LMO7: variants seen among roughly 807,000 people sequenced by gnomAD.
LMO7 encodes LIM domain 7, also known as LIM domain only protein 7.
Under a neutral mutation model 206.5 loss-of-function variants are expected in LMO7, and 120 were observed. The observed-to-expected ratio is 0.58, with a 90% CI of 0.50 to 0.68. LMO7 has a LOEUF of 0.68. LMO7 is among the 30% of genes least tolerant of loss of function. LMO7 has a pLI of 0.00. For missense variants in LMO7, 1,959 were observed against 1,957.9 expected, an observed-to-expected ratio of 1.00 and a Z score of -0.01; for synonymous variants, 706 against 681.5, an observed-to-expected ratio of 1.04 and a Z score of -0.56.
intron 1 of LMO7, among the ~76,000 whole-genome samples, chr13:75,654,218 G>C (rs979084975): frequency 2.6e-5 from 4 of 152,188 alleles, no homozygotes; most frequent in African/African-American, 9.7e-5. Flanking sequence ...AGGCACAGAA[G>C]GTAGCAACAG....
intron 2 of LMO7, among the ~76,000 whole-genome samples, chr13:75,626,593 A>ATATATATATATATATATATATATAT (rs1566249204): frequency 1.2e-4 from 8 of 64,732 alleles, no homozygotes; most frequent in African/African-American, 2.6e-4. Context: ...ATATATATAT[A>ATATATATATATATATATATATATAT]AATTTTTTTG....
chr13:75,781,189 C>T (rs1277556679), intron 4 of LMO7, among the ~76,000 whole-genome samples: 6 of 138,304 alleles, frequency 4.3e-5, no homozygotes, highest in Admixed American at 1.6e-4. Flanking sequence ...AGGTTAGCTA[C>T]ATATGTATAC....
intron 1 of LMO7, among the ~76,000 whole-genome samples, chr13:75,683,098 T>C (rs2040687170): frequency 1.3e-5 from 2 of 151,526 alleles, no homozygotes; most frequent in Admixed American, 1.3e-4. Context: ...TTCTGCTCTG[T>C]TGCCCAGGCT....
At position 75,857,926 on chromosome 13, in the gene LMO7, C is replaced by T. The variant is rs199772213; in HGVS notation, c.4879C>T (p.Arg1627Trp). The change falls in exon 31 of 31, where the codon CGG becomes TGG. Residue 1627 changes from arginine to tryptophan, a missense_variant. Arg to Trp is a moderately radical substitution (Grantham distance 101). Transcript: ENST00000377534. Reference protein sequence around the residue: ...NDCYLRFKSGRPTAM With the variant: ...NDCYLRFKSGWPTAM ...TTTTCTCCTTGCCCGATCAGCTGGA[C>T]GGCCAACCGCCATGTGATGTAAGCC... The T allele has an allele frequency of 6.8e-5, 109 of 1,596,528 alleles. 1 individual carries two copies. Among genetic ancestry groups the T allele is most frequent in the East Asian group, 9.1e-5 (4 of 44,152 alleles).
chr13:75,667,856 T>A (rs2039209123), intron 1 of LMO7, among the ~76,000 whole-genome samples: 1 of 152,232 alleles, frequency 6.6e-6, no homozygotes, highest in Non-Finnish European at 1.5e-5. Context: ...AAATGATAAG[T>A]TGTGGAAACT....
chr13:75,795,934 A>C (rs1313314618), intron 5 of LMO7, among the ~76,000 whole-genome samples: 1 of 152,200 alleles, frequency 6.6e-6, no homozygotes, highest in Non-Finnish European at 1.5e-5. Flanking sequence ...CCTACATAAC[A>C]AACCTGCACA....
At chr13:75,846,892 G>A (rs995370804) in intron 26 of LMO7, among the ~76,000 whole-genome samples, 5 of 152,026 alleles carry the variant, frequency 3.3e-5, no homozygotes, top group African/African-American at 1.2e-4. Context: ...TTAGCCAGGC[G>A]TGGTGGCATG....
At chr13:75,682,131 C>T (rs2040588990) in intron 1 of LMO7, among the ~76,000 whole-genome samples, 1 of 152,154 alleles carries the variant, frequency 6.6e-6, no homozygotes, top group African/African-American at 2.4e-5. Flanking sequence ...TTCTTCTACA[C>T]CCTTGTCAGC....
At chr13:75,730,496 G>A (rs180754990) in intron 3 of LMO7, among the ~76,000 whole-genome samples, 6 of 152,058 alleles carry the variant, frequency 3.9e-5, no homozygotes, top group African/African-American at 1.2e-4. Context: ...ATTTTTTGTT[G>A]CGTCTATTTG....
chr13:75,640,130 T>A (rs1593990620), intron 1 of LMO7, among the ~76,000 whole-genome samples: 1 of 152,422 alleles, frequency 6.6e-6, no homozygotes, highest in East Asian at 1.9e-4. Flanking sequence ...AAATATTTGT[T>A]AAAAATTGTA....
intron 3 of LMO7, among the ~76,000 whole-genome samples, chr13:75,754,516 A>G (rs1259824263): frequency 6.6e-6 from 1 of 152,218 alleles, no homozygotes; most frequent in Non-Finnish European, 1.5e-5. Context: ...TATATAGGAT[A>G]TATACCTGGG....
intron 2 of LMO7, among the ~76,000 whole-genome samples, chr13:75,726,309 G>C (rs1396114129): frequency 6.6e-6 from 1 of 151,958 alleles, no homozygotes; most frequent in Non-Finnish European, 1.5e-5. Flanking sequence ...TCGTACTCAA[G>C]TTTCAGTTGT....
In LMO7 at chr13:75,636,683, C is replaced by G; in HGVS notation, c.26C>G (p.Ala9Gly). The G allele has an allele frequency of 6.2e-7, 1 of 1,609,484 alleles. No homozygotes were observed. The highest frequency in any genetic ancestry group is 8.5e-7 in the Non-Finnish European group (1 of 1,178,652). Reference protein sequence around the residue: MEGLEEAEANCSVAFAEAQ... With the variant: MEGLEEAEGNCSVAFAEAQ... ...ATGGAAGGGCTGGAGGAGGCAGAGG[C>G]CAACTGCTCCGTGGCGTTCGCTGAG... The change falls in exon 1 of 31, where the codon GCC (alanine) becomes GGC (glycine). Residue 9 changes from alanine (A) to glycine (G), a missense_variant. Physicochemically the swap from Ala to Gly is moderately conservative, Grantham distance 60 (BLOSUM62 0). Transcript: ENST00000377534.
intron 12 of LMO7, among the ~76,000 whole-genome samples, chr13:75,818,456 T>C (rs2057268678): frequency 6.6e-6 from 1 of 152,288 alleles, no homozygotes; most frequent in African/African-American, 2.4e-5. Flanking sequence ...TAACAGTTCT[T>C]AGCAGTTCTC....
chr13:75,824,367 A>G (rs2057904783), intron 15 of LMO7, among the ~76,000 whole-genome samples: 1 of 152,124 alleles, frequency 6.6e-6, no homozygotes, highest in South Asian at 2.1e-4. Flanking sequence ...TTTTAATACT[A>G]TTTTGTACTT....
At chr13:75,762,354 T>C (rs1380617386) in intron 4 of LMO7, among the ~76,000 whole-genome samples, 1 of 152,200 alleles carries the variant, frequency 6.6e-6, no homozygotes, top group Non-Finnish European at 1.5e-5. Context: ...TGTTTTATTT[T>C]TCCTTATCAA....
chr13:75,679,222 T>C (rs2040277769), intron 1 of LMO7, among the ~76,000 whole-genome samples: 1 of 152,222 alleles, frequency 6.6e-6, no homozygotes, highest in African/African-American at 2.4e-5. Context: ...GTTTTATAGA[T>C]GCTTCCATGT....
chr13:75,841,090 A>T lies in LMO7; in HGVS notation c.3583-19A>T. 6.7e-7 allele frequency: 1 copy of T among 1,483,048 alleles called. No individual in the cohort carries two copies. Among genetic ancestry groups the T allele is most frequent in the Non-Finnish European group, 9.4e-7 (1 of 1,063,416 alleles). 91.9% of individuals were successfully genotyped at this position (1,483,048 alleles called of 1,614,324 possible). A position where few individuals can be genotyped will look rare whatever the true frequency, so the allele number is the denominator to read the frequency against. ...AAGAGTTAATCTATTGGATTAATAT[A>T]TGTCATATTTTCTTATAGGAAAAAT... On this transcript the variant is annotated intron_variant, in intron 22 of 30. Coordinates refer to ENST00000377534, the MANE Select transcript of LMO7 (RefSeq NM_001306080.2).
chr13:75,768,697 G>A (rs575811382), intron 4 of LMO7, among the ~76,000 whole-genome samples: 155 of 151,924 alleles, frequency 1.0e-3, no homozygotes, highest in African/African-American at 3.7e-3. Flanking sequence ...TGTCATTTTG[G>A]TCATAAAGAG....
Sources: gnomAD v4.1 joint callset for allele counts (sites outside exome capture counted in the v4.1 genomes callset) on GRCh38, gnomAD v4.1.1 for gene constraint, MANE v1.5 for transcripts, NCBI Gene and HGNC (gene_info 2026-07-23, HGNC 2026-07-21) for gene names.